The following CHST11 variants were observed in gnomAD, a reference collection of about 807,000 sequenced individuals.
CHST11 encodes C4S-1.
CHST11 carries 9 observed loss-of-function variants against 30.4 expected under a neutral mutation model. That is an observed-to-expected ratio of 0.30 (90% CI 0.18 to 0.52). CHST11 has a LOEUF of 0.52. CHST11 is among the 20% of genes least tolerant of loss of function. The probability of loss-of-function intolerance (pLI) is 0.97; values close to 1 mark genes in which losing one functional copy is unlikely to be tolerated. For missense variants in CHST11, 348 were observed against 460.6 expected, an observed-to-expected ratio of 0.76 and a Z score of 2.24; for synonymous variants, 152 against 187.8, an observed-to-expected ratio of 0.81 and a Z score of 1.56.
intron 2 of CHST11, among the ~76,000 whole-genome samples, chr12:104,618,390 A>ATTG (rs939752350): frequency 2.6e-5 from 4 of 151,294 alleles, no homozygotes; most frequent in African/African-American, 4.9e-5. Flanking sequence ...CACCCAGTTA[A>ATTG]TTGTTGTTGT....
chr12:104,551,547 T>C (rs1217651192), intron 1 of CHST11, among the ~76,000 whole-genome samples: 2 of 152,120 alleles, frequency 1.3e-5, no homozygotes, highest in Non-Finnish European at 2.9e-5. Context: ...ATAATCGCCC[T>C]CCTCCTTTCC....
chr12:104,501,492 A>G (rs550708353), intron 1 of CHST11, among the ~76,000 whole-genome samples: 128 of 152,222 alleles, frequency 8.4e-4, no homozygotes, highest in Non-Finnish European at 1.7e-3. Flanking sequence ...TTTGGTGGTC[A>G]TGTTCAAATC....
chr12:104,670,130 C>T (rs1166306025), intron 2 of CHST11, among the ~76,000 whole-genome samples: 1 of 152,238 alleles, frequency 6.6e-6, no homozygotes, highest in Non-Finnish European at 1.5e-5. Context: ...CCGCCTGCTG[C>T]AGGGCCTGCT....
rs113577198 is a variant in CHST11 at position 104,756,532 on chromosome 12, G to GGTGTGTGTGTGTGTGTGTGTGT, written c.205-408_205-387dup. Among the ~76,000 whole-genome samples, 466 of 143,392 alleles carry GGTGTGTGTGTGTGTGTGTGTGT rather than the reference G, an allele frequency of 3.2e-3. 5 individuals are homozygous for GGTGTGTGTGTGTGTGTGTGTGT. The highest frequency in any genetic ancestry group is 0.021 in the Middle Eastern group (6 of 282). The allele number at this position is 143,392 out of a possible 152,430, so 94.1% of individuals were successfully genotyped here. On this transcript the variant is annotated intron_variant, in intron 2 of 2. Transcript: ENST00000303694. Reference sequence around the variant, plus strand: ...CATCATGAGGTCTGGATCCATGTGGGGTGTGTGTGTGTGTGTGTGTGTGTG... The same window carrying GGTGTGTGTGTGTGTGTGTGTGT: ...CATCATGAGGTCTGGATCCATGTGGGGTGTGTGTGTGTGTGTGTGTGTGTGTGTGTGTGTGTGTGTGTGTGTG...
chr12:104,708,322 C>A (rs888352675), intron 2 of CHST11, among the ~76,000 whole-genome samples: 2 of 152,220 alleles, frequency 1.3e-5, no homozygotes, highest in Non-Finnish European at 2.9e-5. Flanking sequence ...AGTCATGCCT[C>A]CTTCCCGGGG....
At chr12:104,581,530 C>T (rs1292427237) in intron 1 of CHST11, among the ~76,000 whole-genome samples, 3 of 152,122 alleles carry the variant, frequency 2.0e-5, no homozygotes, top group African/African-American at 7.2e-5. Flanking sequence ...CAAACATTGT[C>T]GAGTGACTGG....
intron 2 of CHST11, among the ~76,000 whole-genome samples, chr12:104,738,468 T>C (rs1015986434): frequency 3.3e-5 from 5 of 152,238 alleles, no homozygotes; most frequent in Admixed American, 3.3e-4. Context: ...CCATGGCACC[T>C]GTGCTTAATA....
At chr12:104,624,539 A>G (rs1156883571) in intron 2 of CHST11, among the ~76,000 whole-genome samples, 1 of 152,124 alleles carries the variant, frequency 6.6e-6, no homozygotes, top group Non-Finnish European at 1.5e-5. Context: ...GGAAAAATGA[A>G]TGAAGAAGTT....
intron 1 of CHST11, among the ~76,000 whole-genome samples, chr12:104,574,028 A>C (rs1207014574): frequency 6.6e-6 from 1 of 152,092 alleles, no homozygotes; most frequent in Non-Finnish European, 1.5e-5. Context: ...AAAACAAACA[A>C]CCCCGTCAAC....
At chr12:104,623,215 A>G (rs1254311481) in intron 2 of CHST11, among the ~76,000 whole-genome samples, 1 of 152,186 alleles carries the variant, frequency 6.6e-6, no homozygotes, top group Non-Finnish European at 1.5e-5. Flanking sequence ...GCCTCACCAC[A>G]CTGCAAGGGT....
intron 1 of CHST11, among the ~76,000 whole-genome samples, chr12:104,601,229 TTCATTGCCATTTAAAAAGAGC>T (rs981058260): frequency 6.6e-6 from 1 of 152,202 alleles, no homozygotes; most frequent in African/African-American, 2.4e-5. Flanking sequence ...AAAGAAAGAA[TTCATTGCCATTTAAAAAGAGC>T]TCTTGGTGGC....
chr12:104,639,254 A>T (rs2039352572), intron 2 of CHST11, among the ~76,000 whole-genome samples: 1 of 152,134 alleles, frequency 6.6e-6, no homozygotes, highest in Non-Finnish European at 1.5e-5. Flanking sequence ...ATACTTGTGT[A>T]TTACAGGTTG....
intron 2 of CHST11, among the ~76,000 whole-genome samples, chr12:104,733,605 A>C (rs1222148499): frequency 6.6e-6 from 1 of 152,230 alleles, no homozygotes; most frequent in African/African-American, 2.4e-5. Flanking sequence ...TGCAAAAGTA[A>C]TTGTAGTTCT....
intron 2 of CHST11, among the ~76,000 whole-genome samples, chr12:104,701,146 G>A (rs1266382961): frequency 1.3e-5 from 2 of 152,096 alleles, no homozygotes; most frequent in Non-Finnish European, 2.9e-5. Flanking sequence ...CCCTCCATCT[G>A]ACACAGATGA....
At chr12:104,655,546 C>T (rs2039536194) in intron 2 of CHST11, among the ~76,000 whole-genome samples, 1 of 152,148 alleles carries the variant, frequency 6.6e-6, no homozygotes, top group African/African-American at 2.4e-5. Flanking sequence ...GGACAGCCTC[C>T]TTGCTTTTCA....
intron 1 of CHST11, among the ~76,000 whole-genome samples, chr12:104,546,578 A>T (rs1290230852): frequency 6.6e-6 from 1 of 152,188 alleles, no homozygotes; most frequent in Non-Finnish European, 1.5e-5. Flanking sequence ...TTTTGCTTCA[A>T]TATGGATGGA....
Position 104,757,854 on chromosome 12 carries a change from T to G in CHST11, c.*51T>G. Reference sequence around the variant, plus strand: ...ATGCTTTTTAATTTAAGATTTTTATTTGTCAAAAGAATTATATGGATATTG... The same window carrying G: ...ATGCTTTTTAATTTAAGATTTTTATGTGTCAAAAGAATTATATGGATATTG... On this transcript the variant is annotated 3_prime_UTR_variant, in exon 3 of 3. Coordinates refer to ENST00000303694, the MANE Select transcript of CHST11 (RefSeq NM_018413.6). This position sits in a 1 kb window ranked among gnomAD's most constrained non-coding sequence, Gnocchi z 6.5. 6.6e-7 allele frequency: 1 copy of G among 1,513,668 alleles called. No individual in the cohort carries two copies. Among genetic ancestry groups the G allele is most frequent in the Non-Finnish European group, 8.9e-7 (1 of 1,122,474 alleles). The allele number at this position is 1,513,668 out of a possible 1,614,324, so 93.8% of individuals were successfully genotyped here. A position where few individuals can be genotyped will look rare whatever the true frequency, so the allele number is the denominator to read the frequency against.
At chr12:104,749,393 AT>A (rs901306270) in intron 2 of CHST11, among the ~76,000 whole-genome samples, 4 of 151,974 alleles carry the variant, frequency 2.6e-5, no homozygotes, top group East Asian at 1.9e-4. Context: ...CTCATAGAAT[AT>A]TTTTTTTCTA....
chr12:104,695,974 C>G (rs191487612), intron 2 of CHST11, among the ~76,000 whole-genome samples: 7 of 152,330 alleles, frequency 4.6e-5, no homozygotes, highest in African/African-American at 1.7e-4. Flanking sequence ...CCCACCCCCA[C>G]TTTGGCAGGG....
Sources: gnomAD v4.1 joint callset for allele counts (sites outside exome capture counted in the v4.1 genomes callset) on GRCh38, gnomAD v4.1.1 for gene constraint, Gnocchi (gnomAD v3.1) non-coding constraint, MANE v1.5 for transcripts, NCBI Gene and HGNC (gene_info 2026-07-23, HGNC 2026-07-21) for gene names.